The following MALRD1 variants were observed in gnomAD, a reference collection of about 807,000 sequenced individuals.
MALRD1 encodes the protein MAM and LDL-receptor class A domain-containing protein 1.
In MALRD1, 247 loss-of-function variants were observed where a neutral mutation model predicts 242.1. That is an observed-to-expected ratio of 1.02 (90% CI 0.92 to 1.13). MALRD1 has a LOEUF of 1.13. MALRD1 is among the 50% of genes most tolerant of loss of function. MALRD1 has a pLI of 0.00. For missense variants in MALRD1, 2,989 were observed against 2,533.1 expected (o/e 1.18, Z -3.86); for synonymous variants, 995 against 866.6 (o/e 1.15, Z -2.60).
intron 11 of MALRD1, among the ~76,000 whole-genome samples, chr10:19,154,047 C>G (rs1363776170): frequency 6.6e-6 from 1 of 152,030 alleles, no homozygotes; most frequent in African/African-American, 2.4e-5. Flanking sequence ...CATTCTTTTC[C>G]TTTTTAGGTG....
At position 19,347,896 on chromosome 10, in the gene MALRD1, G is replaced by T. The variant is rs1040101031; in HGVS notation, c.4027G>T (p.Asp1343Tyr). ...TGCAGCAGGCACAGAGCCAGCAGCA[G>T]ATCACACTTTGGGAAATTCATCTGG... ...IPAAGTEPAA[D>Y]HTLGNSSGHY... Residue 1343 changes from aspartate to tyrosine, a missense_variant, in exon 25 of 40, where the codon GAT becomes TAT. Coordinates refer to ENST00000454679, the MANE Select transcript of MALRD1 (RefSeq NM_001142308.3). 14 of 1,550,358 alleles carry T rather than the reference G, an allele frequency of 9.0e-6. No individual in the cohort carries two copies. The East Asian group carries it at 3.4e-4, about 38-fold the overall frequency.
At chr10:19,070,391 T>G (rs546605189) in intron 2 of MALRD1, among the ~76,000 whole-genome samples, 2 of 152,166 alleles carry the variant, frequency 1.3e-5, no homozygotes, top group African/African-American at 4.8e-5. Flanking sequence ...CATATTGTAC[T>G]GAAAGTGAAA....
intron 5 of MALRD1, among the ~76,000 whole-genome samples, chr10:19,114,636 T>C (rs939687764): frequency 6.6e-5 from 10 of 152,084 alleles, no homozygotes; most frequent in African/African-American, 1.9e-4. Context: ...AAAAATGATA[T>C]TTAGATTTCC....
chr10:19,399,390 G>T (rs1589022593), intron 28 of MALRD1, among the ~76,000 whole-genome samples: 1 of 152,150 alleles, frequency 6.6e-6, no homozygotes, highest in East Asian at 1.9e-4. Flanking sequence ...GTAACTGTTT[G>T]TAGAACTCGT....
intron 36 of MALRD1, among the ~76,000 whole-genome samples, chr10:19,654,361 C>T (rs1589364367): frequency 6.6e-6 from 1 of 152,120 alleles, no homozygotes; most frequent in Admixed American, 6.6e-5. Context: ...AGTCATCATT[C>T]AAGCCTGTAT....
intron 5 of MALRD1, among the ~76,000 whole-genome samples, chr10:19,119,653 T>G (rs12098481): frequency 0.064 from 9,732 of 152,228 alleles, 320 homozygotes; most frequent in South Asian, 0.12. Context: ...GCACTGATCT[T>G]AGAAGCAGTT....
intron 31 of MALRD1, among the ~76,000 whole-genome samples, chr10:19,500,378 A>G (rs1837916357): frequency 6.6e-6 from 1 of 152,226 alleles, no homozygotes; most frequent in Admixed American, 6.5e-5. Context: ...ACAAAGGTAG[A>G]TATTTAAAAT....
chr10:19,467,609 G>A (rs1252583869), intron 29 of MALRD1, among the ~76,000 whole-genome samples: 2 of 151,584 alleles, frequency 1.3e-5, no homozygotes, highest in East Asian at 3.9e-4. Flanking sequence ...CCACAATAAT[G>A]CTGCAGTCCT....
chr10:19,517,777 T>G (rs1833701256), intron 31 of MALRD1, among the ~76,000 whole-genome samples: 1 of 152,118 alleles, frequency 6.6e-6, no homozygotes, highest in Non-Finnish European at 1.5e-5. Flanking sequence ...TTTGAGGAGC[T>G]CAAATTTAAG....
intron 38 of MALRD1, among the ~76,000 whole-genome samples, chr10:19,722,962 C>T (rs1221053816): frequency 1.3e-5 from 2 of 151,994 alleles, no homozygotes; most frequent in East Asian, 1.9e-4. Context: ...ATGTTTAGTA[C>T]GTAGTATGTG....
At chr10:19,505,329 G>A (rs541959823) in intron 31 of MALRD1, among the ~76,000 whole-genome samples, 74 of 152,224 alleles carry the variant, frequency 4.9e-4, no homozygotes, top group Middle Eastern at 3.4e-3. Flanking sequence ...TTGGAGATAC[G>A]GTCTTTAAGT....
intron 36 of MALRD1, among the ~76,000 whole-genome samples, chr10:19,623,312 A>T (rs1422988775): frequency 6.6e-6 from 1 of 152,174 alleles, no homozygotes; most frequent in Non-Finnish European, 1.5e-5. Context: ...ATACAGGGAA[A>T]GCCCGAATGT....
intron 36 of MALRD1, among the ~76,000 whole-genome samples, chr10:19,628,895 T>C (rs953342771): frequency 5.3e-5 from 8 of 152,182 alleles, no homozygotes; most frequent in African/African-American, 1.9e-4. Flanking sequence ...TCAGTTTTTC[T>C]TTCCGTGTTG....
At chr10:19,663,139 C>A (rs1841522294) in intron 36 of MALRD1, among the ~76,000 whole-genome samples, 1 of 152,082 alleles carries the variant, frequency 6.6e-6, no homozygotes, top group Non-Finnish European at 1.5e-5. Context: ...ATGGACATTG[C>A]ACCCAATTGG....
chr10:19,657,522 G>C (rs911974015), intron 36 of MALRD1, among the ~76,000 whole-genome samples: 10 of 151,118 alleles, frequency 6.6e-5, no homozygotes, highest in African/African-American at 2.2e-4. Flanking sequence ...GTAAATTACA[G>C]AATTGAGATT....
At chr10:19,254,068 C>T (rs1321240706) in intron 18 of MALRD1, among the ~76,000 whole-genome samples, 1 of 151,970 alleles carries the variant, frequency 6.6e-6, no homozygotes, top group African/African-American at 2.4e-5. Context: ...TTGAGGCCTC[C>T]CCAGCCCTAC....
chr10:19,232,321 G>A (rs956382002), intron 18 of MALRD1, among the ~76,000 whole-genome samples: 11 of 150,274 alleles, frequency 7.3e-5, no homozygotes, highest in African/African-American at 2.0e-4. Flanking sequence ...TGCCCGCCAC[G>A]ACACCCAGCT....
chr10:19,384,304 T>A (rs978420667), intron 26 of MALRD1, among the ~76,000 whole-genome samples: 1 of 133,206 alleles, frequency 7.5e-6, no homozygotes, highest in Non-Finnish European at 1.5e-5. Context: ...ATTATATATG[T>A]ATTATATAAA....
chr10:19,315,049 A>C (rs1199138110), intron 21 of MALRD1, among the ~76,000 whole-genome samples: 1 of 144,194 alleles, frequency 6.9e-6, no homozygotes, highest in Non-Finnish European at 1.5e-5. Context: ...TAAATATGTA[A>C]ATATAATTTA....
Sources: gnomAD v4.1 joint callset for allele counts (sites outside exome capture counted in the v4.1 genomes callset) on GRCh38, gnomAD v4.1.1 for gene constraint, MANE v1.5 for transcripts, NCBI Gene and HGNC (gene_info 2026-07-23, HGNC 2026-07-21) for gene names.